The following CFAP97 variants were observed in gnomAD, a reference collection of about 807,000 sequenced individuals.
CFAP97 encodes cilia- and flagella-associated protein 97.
Under a neutral mutation model 43.1 loss-of-function variants are expected in CFAP97, and 36 were observed. The ratio of observed to expected loss-of-function variants is 0.84; its 90% confidence interval spans 0.64 to 1.10. The LOEUF (loss-of-function observed/expected upper bound fraction) is 1.10. Among genes scored for constraint, CFAP97 ranks in the 50% least tolerant of loss-of-function variants. CFAP97 has a pLI of 0.00. For synonymous variants in CFAP97, 228 were observed against 225.7 expected, an observed-to-expected ratio of 1.01 and a Z score of -0.09; for missense variants, 657 against 620.3, an observed-to-expected ratio of 1.06 and a Z score of -0.63.
intron 1 of CFAP97, among the ~76,000 whole-genome samples, chr4:185,201,611 G>A (rs148605887): frequency 4.2e-4 from 64 of 152,248 alleles, no homozygotes; most frequent in African/African-American, 1.3e-3. Context: ...TTTAGATAAC[G>A]TATGTACATT....
At chr4:185,167,965 C>T (rs1358481504) in intron 3 of CFAP97, among the ~76,000 whole-genome samples, 2 of 143,032 alleles carry the variant, frequency 1.4e-5, no homozygotes, top group Non-Finnish European at 3.0e-5. Context: ...TGCCACTGCA[C>T]TCTAGCCTGG....
Position 185,190,747 on chromosome 4 carries a change from C to T in CFAP97, c.450G>A (p.Lys150=). The T allele has an allele frequency of 6.3e-7, 1 of 1,590,426 alleles. No individual in the cohort carries two copies. Among genetic ancestry groups the T allele is most frequent in the Non-Finnish European group, 8.6e-7 (1 of 1,166,872 alleles). The part of the protein sequence containing the change: ...DDGKKYHVKS[K]SAKPSTNVKK... ...TAACGTTAGTAGATGGTTTAGCGGA[C>T]TTGGACTTCACATGGTATTTCTTCC... Residue 150 remains lysine, a synonymous_variant, in exon 2 of 5, where the codon AAG becomes AAA. Transcript: ENST00000458385.
intron 4 of CFAP97, among the ~76,000 whole-genome samples, chr4:185,163,653 A>T (rs1026729477): frequency 2.6e-5 from 4 of 152,090 alleles, no homozygotes; most frequent in Admixed American, 2.6e-4. Context: ...AGTAAGAAAA[A>T]GCACATATAA....
intron 3 of CFAP97, among the ~76,000 whole-genome samples, chr4:185,171,111 C>T (rs1735287334): frequency 1.3e-5 from 2 of 150,260 alleles, no homozygotes; most frequent in Admixed American, 6.7e-5. Context: ...CTAACAGGTA[C>T]AGAAATCATC....
intron 1 of CFAP97, among the ~76,000 whole-genome samples, chr4:185,199,326 C>T (rs900118906): frequency 6.6e-6 from 1 of 151,174 alleles, no homozygotes; most frequent in Non-Finnish European, 1.5e-5. Context: ...AGCCGCGATC[C>T]GGCCACTGCA....
At position 185,175,777 on chromosome 4, in the gene CFAP97, G is replaced by A. The variant is rs369260157; in HGVS notation, c.1320+9C>T. Reference sequence around the variant, plus strand: ...TTTTCTTTGATGACTAATTATTTCAGTTACTTACCAAGTTTTCTCTCTCAA... The same window carrying A: ...TTTTCTTTGATGACTAATTATTTCAATTACTTACCAAGTTTTCTCTCTCAA... On this transcript the variant is annotated intron_variant, in intron 3 of 4. Coordinates refer to ENST00000458385, the MANE Select transcript of CFAP97 (RefSeq NM_020827.3). 2 of 1,608,452 alleles carry A rather than the reference G, an allele frequency of 1.2e-6. No individual in the cohort carries two copies. The highest frequency in any genetic ancestry group is 1.7e-6 in the Non-Finnish European group (2 of 1,176,458).
chr4:185,171,357 CAAG>C (rs1408756454), intron 3 of CFAP97, among the ~76,000 whole-genome samples: 2 of 152,062 alleles, frequency 1.3e-5, no homozygotes, highest in Non-Finnish European at 2.9e-5. Context: ...CCCCCCAAAA[CAAG>C]AACAACGAAA....
Position 185,190,374 on chromosome 4 carries a change from T to C in CFAP97, c.823A>G (p.Asn275Asp). ...TTTTTAATTTTCACTTTTTGATCATTTGCTATGCCCAGTTCAAAAGACTGA... is the reference window on the plus strand; with the variant it reads ...TTTTTAATTTTCACTTTTTGATCATCTGCTATGCCCAGTTCAAAAGACTGA... ...PLQSFELGIA[N>D]DQKVKIKKQE... The change falls in exon 2 of 5, where the codon AAT becomes GAT. Residue 275 changes from asparagine to aspartate, a missense_variant. Transcript: ENST00000458385. The C allele has an allele frequency of 6.2e-7, 1 of 1,610,060 alleles. No individual in the cohort carries two copies.
intron 3 of CFAP97, among the ~76,000 whole-genome samples, chr4:185,167,826 C>G (rs947565331): frequency 7.4e-6 from 1 of 135,056 alleles, no homozygotes; most frequent in Non-Finnish European, 1.6e-5. Context: ...GAAACCCCAT[C>G]TCTACTAAAA....
upstream of CFAP97, among the ~76,000 whole-genome samples, chr4:185,206,055 G>A (rs1737175349): frequency 6.6e-6 from 1 of 152,180 alleles, no homozygotes; most frequent in South Asian, 2.1e-4. Flanking sequence ...CTTATGCATT[G>A]CTTGTGAGAA....
At chr4:185,188,161 C>G (rs146920485) in intron 2 of CFAP97, among the ~76,000 whole-genome samples, 5,932 of 152,102 alleles carry the variant, frequency 0.039, 376 homozygotes, top group African/African-American at 0.13. Flanking sequence ...TCCCAAAGTG[C>G]TGGGACTACA....
intron 1 of CFAP97, among the ~76,000 whole-genome samples, chr4:185,194,008 C>T (rs550037657): frequency 6.6e-6 from 1 of 152,296 alleles, no homozygotes; most frequent in African/African-American, 2.4e-5. Flanking sequence ...CAGCAAACTA[C>T]CTGTCCGTAA....
Position 185,162,844 on chromosome 4 carries a change from G to C in CFAP97, c.1553C>G (p.Pro518Arg). 1 of 1,612,774 alleles carries C rather than the reference G, an allele frequency of 6.2e-7. No individual in the cohort carries two copies. The highest frequency in any genetic ancestry group is 8.5e-7 in the Non-Finnish European group (1 of 1,179,478). ...ATTAGGGGGTTTAGGTCTTCTTCGAGGGTGGCCACTGGAGGGGTCAACCGC... is the reference window on the plus strand; with the variant it reads ...ATTAGGGGGTTTAGGTCTTCTTCGACGGTGGCCACTGGAGGGGTCAACCGC... ...RSAVDPSSGHPRRRPKPPNVR... is the reference protein window; with the variant it reads ...RSAVDPSSGHRRRRPKPPNVR... The change falls in exon 5 of 5, where the codon CCT becomes CGT. Residue 518 changes from proline to arginine, a missense_variant. Physicochemically the swap from Pro to Arg is moderately radical, Grantham distance 103 (BLOSUM62 -2). Transcript: ENST00000458385.
At chr4:185,166,601 A>G (rs1735083255) in intron 3 of CFAP97, among the ~76,000 whole-genome samples, 1 of 152,234 alleles carries the variant, frequency 6.6e-6, no homozygotes, top group Non-Finnish European at 1.5e-5. Context: ...TAAAACATAC[A>G]GATGTGATCA....
At chr4:185,170,277 T>C (rs1472635685) in intron 3 of CFAP97, 1 of 658,988 alleles carries the variant, frequency 1.5e-6, no homozygotes, top group Non-Finnish European at 2.8e-6. Flanking sequence ...ACCCAGGAGA[T>C]GGAGGCTGCA....
chr4:185,178,566 G>C (rs898643717), intron 2 of CFAP97, among the ~76,000 whole-genome samples: 3 of 151,996 alleles, frequency 2.0e-5, no homozygotes, highest in Non-Finnish European at 2.9e-5. Flanking sequence ...TTTGATCAAA[G>C]GGCAGCATGA....
intron 2 of CFAP97, among the ~76,000 whole-genome samples, chr4:185,185,777 ACAG>A (rs1735984519): frequency 6.6e-6 from 1 of 151,608 alleles, no homozygotes; most frequent in Non-Finnish European, 1.5e-5. Flanking sequence ...AGCTGGGACT[ACAG>A]TAGCACACAC....
chr4:185,181,603 G>C (rs1456866866), intron 2 of CFAP97, among the ~76,000 whole-genome samples: 1 of 152,156 alleles, frequency 6.6e-6, no homozygotes. Context: ...GGGATTATAG[G>C]CATGAGCCAC....
In CFAP97 at chr4:185,160,263, T is replaced by G. The variant is rs921451772; in HGVS notation, c.*2535A>C. The G allele has an allele frequency of 6.6e-6, 1 of 152,138 alleles. No homozygotes were observed. The highest frequency in any genetic ancestry group is 6.5e-5 in the Admixed American group (1 of 15,276). 9.4% of individuals were successfully genotyped at this position (152,138 alleles called of 1,614,324 possible). A position where few individuals can be genotyped will look rare whatever the true frequency, so the allele number is the denominator to read the frequency against. Reference sequence around the variant, plus strand: ...TTACTAAAAAGGAGGCAACATTAGTTTAAAAAATAACTGAACAAGAATCTG... The same window carrying G: ...TTACTAAAAAGGAGGCAACATTAGTGTAAAAAATAACTGAACAAGAATCTG... On this transcript the variant is annotated 3_prime_UTR_variant, in exon 5 of 5. Transcript: ENST00000458385.
Sources: gnomAD v4.1 joint callset for allele counts (sites outside exome capture counted in the v4.1 genomes callset) on GRCh38, gnomAD v4.1.1 for gene constraint, MANE v1.5 for transcripts, NCBI Gene and HGNC (gene_info 2026-07-23, HGNC 2026-07-21) for gene names.